The following AKAP12 variants were observed in gnomAD, a reference collection of about 807,000 sequenced individuals.
AKAP12 encodes A-kinase anchor protein 12.
Under a neutral mutation model 79.9 loss-of-function variants are expected in AKAP12, and 32 were observed. The observed-to-expected ratio is 0.40, with a 90% CI of 0.30 to 0.54. The LOEUF is 0.54. Among genes scored for constraint, AKAP12 ranks in the 20% least tolerant of loss-of-function variants. The pLI is 0.48. For synonymous variants in AKAP12, 808 were observed against 857.0 expected (o/e 0.94, Z 1.00); for missense variants, 2,074 against 2,177.0 (o/e 0.95, Z 0.94).
intron 3 of AKAP12, among the ~76,000 whole-genome samples, chr6:151,339,300 A>G (rs1033590133): frequency 2.6e-5 from 4 of 152,236 alleles, no homozygotes; most frequent in African/African-American, 9.6e-5. Context: ...CAAAAAGACA[A>G]ACTGTGTATT....
intron 2 of AKAP12, among the ~76,000 whole-genome samples, chr6:151,252,112 G>A (rs138005108): frequency 2.8e-4 from 43 of 152,254 alleles, no homozygotes; most frequent in Admixed American, 2.3e-3. Context: ...AGTGGTCTGC[G>A]TCACAGCAGA....
Position 151,357,018 on chromosome 6 carries a change from T to G in AKAP12, c.*1304T>G, listed in dbSNP as rs1778458459. 1 of 152,200 alleles carries G rather than the reference T, an allele frequency of 6.6e-6. No individual in the cohort carries two copies. The highest frequency in any genetic ancestry group is 2.4e-5 in the African/African-American group (1 of 41,442). The allele number at this position is 152,200 out of a possible 1,614,324, so 9.4% of individuals were successfully genotyped here. A position where few individuals can be genotyped will look rare whatever the true frequency, so the allele number is the denominator to read the frequency against. ...TCTGGTAATTCCTGAAAATGTCAAT[T>G]TTTTTGTGTTAATATTTTTGGTTTC... is the stretch of plus-strand genomic sequence containing the variant. On this transcript the variant is annotated 3_prime_UTR_variant, in exon 5 of 5. Coordinates refer to ENST00000402676, the MANE Select transcript of AKAP12 (RefSeq NM_005100.4).
At chr6:151,269,541 G>A (rs575544690) in intron 2 of AKAP12, among the ~76,000 whole-genome samples, 1 of 152,208 alleles carries the variant, frequency 6.6e-6, no homozygotes, top group East Asian at 1.9e-4. Context: ...AACTCAAGAG[G>A]CATTGTAGTT....
chr6:151,341,573 AGGCTTTCGCGAGCTATGGC>A, intron 3 of AKAP12: 1 of 459,582 alleles, frequency 2.2e-6, no homozygotes, highest in Non-Finnish European at 3.1e-6. Context: ...TCCCGGGCCC[AGGCTTTCGCGAGCTATGGC>A]AGCCGGCAGG....
intron 2 of AKAP12, among the ~76,000 whole-genome samples, chr6:151,292,909 GTT>G (rs1245684079): frequency 6.6e-6 from 1 of 152,196 alleles, no homozygotes; most frequent in Non-Finnish European, 1.5e-5. Flanking sequence ...GTTGTGTAGT[GTT>G]TAGCCACTAC....
intron 3 of AKAP12, among the ~76,000 whole-genome samples, chr6:151,348,018 A>C (rs1201260447): frequency 2.5e-5 from 1 of 39,546 alleles, no homozygotes; most frequent in Non-Finnish European, 1.2e-4. Context: ...CTAAAAATAC[A>C]AAAAAAAAAA....
chr6:151,333,739 C>CAA lies in AKAP12; in HGVS notation c.320-14956_320-14955dup, dbSNP rs11292037. On this transcript the variant is annotated intron_variant, in intron 3 of 4. Coordinates refer to ENST00000402676, the MANE Select transcript of AKAP12 (RefSeq NM_005100.4). ...GGGCAACAGAGCAAGACTGTGACTT[C>CAA]AAAAAAAAAAAAAAAAATGAAAGGT... Among the ~76,000 whole-genome samples the CAA allele has an allele frequency of 1.6e-3, 199 of 125,132 alleles. 1 individual carries two copies. Among genetic ancestry groups the CAA allele is most frequent in the Middle Eastern group, 0.013 (3 of 240 alleles). The allele number at this position is 125,132 out of a possible 152,430, so 82.1% of individuals were successfully genotyped here.
At position 151,323,904 on chromosome 6, in the gene AKAP12, A is replaced by G. The variant is rs1777460492; in HGVS notation, c.319+18001A>G. ...AAATGATGCAGAACCAAGCCCTCAG[A>G]TCCCAGATCACCCACGGCTCCTGGG... On this transcript the variant is annotated intron_variant, in intron 3 of 4. Coordinates refer to ENST00000402676, the MANE Select transcript of AKAP12 (RefSeq NM_005100.4). The G allele has an allele frequency of 5.1e-6, 5 of 985,278 alleles. No homozygotes were observed. The South Asian group carries it at 1.9e-4, about 37-fold the overall frequency. 61.0% of individuals were successfully genotyped at this position (985,278 alleles called of 1,614,324 possible). A position where few individuals can be genotyped will look rare whatever the true frequency, so the allele number is the denominator to read the frequency against.
At position 151,357,656 on chromosome 6, in the gene AKAP12, A is replaced by G. The variant is rs1778475797; in HGVS notation, c.*1942A>G. 6.6e-6 allele frequency: 1 copy of G among 151,162 alleles called. No homozygotes were observed. The highest frequency in any genetic ancestry group is 2.4e-5 in the African/African-American group (1 of 41,218). The allele number at this position is 151,162 out of a possible 1,614,324, so 9.4% of individuals were successfully genotyped here. On this transcript the variant is annotated 3_prime_UTR_variant, in exon 5 of 5. Transcript: ENST00000402676. ...TCTCAAATATATATAATAGCTACCC[A>G]TGCATCATTATTAAAATCCCCAAAT...
intron 2 of AKAP12, among the ~76,000 whole-genome samples, chr6:151,271,122 T>C (rs1275173651): frequency 6.6e-6 from 1 of 152,176 alleles, no homozygotes; most frequent in Non-Finnish European, 1.5e-5. Context: ...CCGAAGCAGT[T>C]TCTTCTGTTA....
In AKAP12 at chr6:151,336,351, T is replaced by C. The variant is rs146189944; in HGVS notation, c.320-12360T>C. Among the ~76,000 whole-genome samples the C allele has an allele frequency of 1.0e-3, 158 of 152,350 alleles. 1 individual carries two copies. The highest frequency in any genetic ancestry group is 3.6e-3 in the African/African-American group (150 of 41,580). ...TCCTTGAGAAATCTCCATATTGTTTTCTATAGCTCTCTTACTAATTTACAT... is the reference window on the plus strand; with the variant it reads ...TCCTTGAGAAATCTCCATATTGTTTCCTATAGCTCTCTTACTAATTTACAT... On this transcript the variant is annotated intron_variant, in intron 3 of 4. Transcript: ENST00000402676.
At chr6:151,285,397 TGTG>T (rs1354527608) in intron 2 of AKAP12, among the ~76,000 whole-genome samples, 12 of 149,770 alleles carry the variant, frequency 8.0e-5, no homozygotes, top group East Asian at 7.9e-4. Context: ...TGTGTGTGTG[TGTG>T]TGTGTGTGTG....
intron 2 of AKAP12, among the ~76,000 whole-genome samples, chr6:151,301,507 G>A (rs558893816): frequency 3.2e-4 from 48 of 152,286 alleles, no homozygotes; most frequent in African/African-American, 1.1e-3. Context: ...ACAACGGTAT[G>A]ACTTATTTAG....
intron 2 of AKAP12, among the ~76,000 whole-genome samples, chr6:151,249,328 T>A (rs1797132650): frequency 6.6e-6 from 1 of 152,354 alleles, no homozygotes; most frequent in East Asian, 1.9e-4. Context: ...TAAATATTTC[T>A]GTTTTAATTT....
At chr6:151,312,521 G>A (rs1422715568) in intron 3 of AKAP12, among the ~76,000 whole-genome samples, 1 of 151,860 alleles carries the variant, frequency 6.6e-6, no homozygotes, top group Non-Finnish European at 1.5e-5. Flanking sequence ...GCCGGGCACG[G>A]TGGCTCACGC....
At chr6:151,241,993 C>G (rs1239078493) in intron 2 of AKAP12, among the ~76,000 whole-genome samples, 2 of 152,124 alleles carry the variant, frequency 1.3e-5, no homozygotes, top group African/African-American at 4.8e-5. Flanking sequence ...ATATTAAGTA[C>G]TAACTGTGTC....
intron 3 of AKAP12, among the ~76,000 whole-genome samples, chr6:151,322,099 G>A (rs1251889709): frequency 2.0e-5 from 3 of 151,676 alleles, no homozygotes; most frequent in Admixed American, 6.6e-5. Context: ...TAGTAGAGAC[G>A]GGGTTTCATC....
At chr6:151,287,009 G>T (rs974398583) in intron 2 of AKAP12, among the ~76,000 whole-genome samples, 1 of 151,662 alleles carries the variant, frequency 6.6e-6, no homozygotes, top group South Asian at 2.1e-4. Flanking sequence ...CGTGATCTCG[G>T]CTCACTGCTC....
At chr6:151,270,379 A>C (rs907958761) in intron 2 of AKAP12, among the ~76,000 whole-genome samples, 1 of 152,220 alleles carries the variant, frequency 6.6e-6, no homozygotes, top group African/African-American at 2.4e-5. Flanking sequence ...CTGCTGTATA[A>C]TATTCCGTTG....
Sources: allele counts gnomAD v4.1 joint callset (sites outside exome capture counted in the v4.1 genomes callset), GRCh38; gene constraint gnomAD v4.1.1; transcripts MANE v1.5; gene names NCBI Gene and HGNC (gene_info 2026-07-23, HGNC 2026-07-21).